PTPN13: variants seen among roughly 807,000 people sequenced by gnomAD.
PTPN13 encodes the protein protein tyrosine phosphatase non-receptor type 13.
Under a neutral mutation model 284.0 loss-of-function variants are expected in PTPN13, and 191 were observed. The ratio of observed to expected loss-of-function variants is 0.67; its 90% CI spans 0.60 to 0.76. The LOEUF (loss-of-function observed/expected upper bound fraction) is 0.76. PTPN13 is among the 30% of genes least tolerant of loss of function. The pLI, the probability that PTPN13 is intolerant of heterozygous loss-of-function variation, is 0.00. For synonymous variants in PTPN13, 986 were observed against 1,022.3 expected, an observed-to-expected ratio of 0.96 and a Z score of 0.68; for missense variants, 2,797 against 2,939.9, an observed-to-expected ratio of 0.95 and a Z score of 1.12.
Position 86,728,246 on chromosome 4 carries a change from A to G in PTPN13, c.1609-4154A>G, listed in dbSNP as rs567888332. 2.0e-4 allele frequency among the ~76,000 whole-genome samples: 30 copies of G among 149,562 alleles called. 3 individuals carry two copies. Among genetic ancestry groups the G allele is most frequent in the Non-Finnish European group, 1.1e-4 (7 of 66,654 alleles). On this transcript the variant is annotated intron_variant, in intron 10 of 47. Coordinates refer to ENST00000411767, the MANE Select transcript of PTPN13 (RefSeq NM_080683.3). ...TGTTTTACTTCCAATTATGTGGTCA[A>G]TTTTAGAATAAGTGTGATGTGGTGC...
chr4:86,782,830 A>G (rs1020346508), intron 37 of PTPN13, among the ~76,000 whole-genome samples: 5 of 152,222 alleles, frequency 3.3e-5, no homozygotes, highest in Admixed American at 6.5e-5. Flanking sequence ...AAACTAATAC[A>G]TAGTTAAATT....
chr4:86,622,093 A>T (rs558107151), intron 1 of PTPN13, among the ~76,000 whole-genome samples: 1 of 152,332 alleles, frequency 6.6e-6, no homozygotes, highest in Admixed American at 6.5e-5. Context: ...TTGAGTTATC[A>T]TTACAACCCC....
intron 41 of PTPN13, among the ~76,000 whole-genome samples, chr4:86,797,758 G>T (rs1176708384): frequency 6.6e-6 from 1 of 151,456 alleles, no homozygotes; most frequent in African/African-American, 2.4e-5. Context: ...ATGAGAAAAT[G>T]AAACCAAAAA....
intron 1 of PTPN13, among the ~76,000 whole-genome samples, chr4:86,627,526 A>T (rs1324131136): frequency 1.7e-4 from 26 of 151,014 alleles, no homozygotes; most frequent in Admixed American, 1.6e-3. Context: ...TTTTCTTTTT[A>T]ACAGCTTTAT....
rs1729841520 is a variant in PTPN13 at position 86,689,825 on chromosome 4, C to T, written c.546+635C>T. ...CCACCTCTGTTCTGCATTTCTAAGG[C>T]TGTATTTTATCTTGTTTGCCCTATC... On this transcript the variant is annotated intron_variant, in intron 5 of 47. Coordinates refer to ENST00000411767, the MANE Select transcript of PTPN13 (RefSeq NM_080683.3). 3 of 690,232 alleles carry T rather than the reference C, an allele frequency of 4.3e-6. No homozygotes were observed. The East Asian group carries it at 8.1e-5, about 19-fold the overall frequency. The allele number at this position is 690,232 out of a possible 1,614,324, so 42.8% of individuals were successfully genotyped here.
At chr4:86,806,014 G>A (rs576760383) in intron 44 of PTPN13, among the ~76,000 whole-genome samples, 208 of 151,990 alleles carry the variant, frequency 1.4e-3, no homozygotes, top group Middle Eastern at 0.014. Context: ...GAAATTAGCC[G>A]AGAGTGGTGG....
intron 3 of PTPN13, among the ~76,000 whole-genome samples, chr4:86,673,956 C>G (rs776161261): frequency 1.5e-4 from 23 of 152,160 alleles, no homozygotes; most frequent in Non-Finnish European, 2.5e-4. Flanking sequence ...ATCCGCCTGC[C>G]TCGGCCTCCC....
At chr4:86,603,133 A>G (rs79700133) in intron 1 of PTPN13, among the ~76,000 whole-genome samples, 7,064 of 152,218 alleles carry the variant, frequency 0.046, 223 homozygotes, top group African/African-American at 0.06. Flanking sequence ...TAAATAATAT[A>G]TTTTTTCATG....
chr4:86,681,967 G>C (rs952694558), intron 3 of PTPN13, among the ~76,000 whole-genome samples: 5 of 151,878 alleles, frequency 3.3e-5, no homozygotes, highest in Admixed American at 2.6e-4. Flanking sequence ...GGAAGAAATT[G>C]TTCTACAATG....
chr4:86,796,040 G>GA (rs1233918428), intron 40 of PTPN13, among the ~76,000 whole-genome samples: 1 of 151,918 alleles, frequency 6.6e-6, no homozygotes, highest in Non-Finnish European at 1.5e-5. Context: ...AAGTATAATA[G>GA]AAAAAATAAT....
chr4:86,663,286 GA>G (rs1726718803), intron 2 of PTPN13, among the ~76,000 whole-genome samples: 1 of 152,204 alleles, frequency 6.6e-6, no homozygotes, highest in Admixed American at 6.5e-5. Flanking sequence ...CTTTGGAATT[GA>G]AAACCCGAAG....
chr4:86,680,448 A>G (rs973039732), intron 3 of PTPN13, among the ~76,000 whole-genome samples: 1 of 151,430 alleles, frequency 6.6e-6, no homozygotes, highest in Non-Finnish European at 1.5e-5. Flanking sequence ...CTTTTCACAT[A>G]TGTACTTAAT....
chr4:86,690,526 T>A (rs1729911839), intron 5 of PTPN13, among the ~76,000 whole-genome samples: 1 of 152,140 alleles, frequency 6.6e-6, no homozygotes, highest in Non-Finnish European at 1.5e-5. Context: ...TGGAGGTCTT[T>A]TTTTCAGACA....
At chr4:86,803,525 C>T (rs867076791) in intron 42 of PTPN13, among the ~76,000 whole-genome samples, 184 bp from the exon 43 acceptor site, 2 of 152,164 alleles carry the variant, frequency 1.3e-5, no homozygotes, top group Non-Finnish European at 2.9e-5. Flanking sequence ...CCTGGTAGAT[C>T]AAGGCCGCAG....
Position 86,770,121 on chromosome 4 carries a change from G to T in PTPN13, c.4725G>T (p.Arg1575Ser). Residue 1575 changes from arginine (R) to serine (S), a missense_variant, in exon 30 of 48, where the codon AGG (arginine) becomes AGT (serine). By Grantham distance (110) the Arg-to-Ser change is moderately radical. Transcript: ENST00000411767. ...LSQQEVISAL[R>S]GTAPEVFLLL... ...CCCAGGAAGTCATATCTGCTCTCAG[G>T]GGAACTGCTCCAGAAGTATTCTTGC... 1 of 1,613,642 alleles carries T rather than the reference G, an allele frequency of 6.2e-7. No individual in the cohort carries two copies. The highest frequency in any genetic ancestry group is 8.5e-7 in the Non-Finnish European group (1 of 1,179,746).
At chr4:86,736,314 C>T (rs1462215703) in intron 15 of PTPN13, among the ~76,000 whole-genome samples, 2 of 152,114 alleles carry the variant, frequency 1.3e-5, no homozygotes, top group African/African-American at 4.8e-5. Flanking sequence ...CATTTACGAT[C>T]AAGAAAAATA....
At chr4:86,813,721 C>T (rs1745483211) in intron 47 of PTPN13, among the ~76,000 whole-genome samples, 1 of 152,096 alleles carries the variant, frequency 6.6e-6, no homozygotes, top group South Asian at 2.1e-4. Flanking sequence ...CCTGGCAAGA[C>T]AATTATTTTG....
intron 2 of PTPN13, among the ~76,000 whole-genome samples, chr4:86,654,298 G>A (rs1578345589): frequency 6.6e-6 from 1 of 152,230 alleles, no homozygotes; most frequent in South Asian, 2.1e-4. Flanking sequence ...AAGGAGAAAA[G>A]AGAGAAGAAT....
intron 26 of PTPN13, 70 bp from the exon 27 acceptor site, chr4:86,766,362 G>A (rs1204337313): frequency 1.3e-5 from 16 of 1,250,562 alleles, no homozygotes; most frequent in Non-Finnish European, 1.7e-5. Flanking sequence ...AAATGAATAC[G>A]AAATAAGACC....
Sources: allele counts gnomAD v4.1 joint callset (sites outside exome capture counted in the v4.1 genomes callset), GRCh38; gene constraint gnomAD v4.1.1; transcripts MANE v1.5; gene names NCBI Gene and HGNC (gene_info 2026-07-23, HGNC 2026-07-21).